The following TOLLIP variants were observed in gnomAD, a reference collection of about 807,000 sequenced individuals.
The protein encoded by TOLLIP is toll interacting protein.
In TOLLIP, 16 loss-of-function variants were observed where a neutral mutation model predicts 33.5. The ratio of observed to expected loss-of-function variants is 0.48; its 90% CI spans 0.32 to 0.72. The LOEUF (loss-of-function observed/expected upper bound fraction) is 0.72. Among genes scored for constraint, TOLLIP ranks in the 30% least tolerant of loss-of-function variants. The pLI is 0.03. For synonymous variants in TOLLIP, 176 were observed against 163.7 expected, an observed-to-expected ratio of 1.07 and a Z score of -0.57; for missense variants, 325 against 396.6, an observed-to-expected ratio of 0.82 and a Z score of 1.53.
chr11:1,292,480 G>A (rs529162735), intron 2 of TOLLIP, among the ~76,000 whole-genome samples: 53 of 152,330 alleles, frequency 3.5e-4, no homozygotes, highest in African/African-American at 1.2e-3. Flanking sequence ...CACACTCAGC[G>A]TCATCCTCTC....
At chr11:1,308,827 G>C (rs1271118587) in intron 1 of TOLLIP, among the ~76,000 whole-genome samples, 1 of 10,522 alleles carries the variant, frequency 9.5e-5, no homozygotes, top group Non-Finnish European at 3.7e-4. Context: ...ACCAACTAGA[G>C]TGCAGGCCCG....
chr11:1,288,271 G>T (rs1863812471), intron 4 of TOLLIP, among the ~76,000 whole-genome samples: 1 of 152,220 alleles, frequency 6.6e-6, no homozygotes, highest in Admixed American at 6.5e-5. Flanking sequence ...AGACCCTGGA[G>T]GGCTGCTCAG....
rs938989057 is a variant in TOLLIP at position 1,275,995 on chromosome 11, C to G, written c.*1044G>C. The G allele has an allele frequency of 4.6e-5, 7 of 152,230 alleles. No individual in the cohort carries two copies. The highest frequency in any genetic ancestry group is 1.7e-4 in the African/African-American group (7 of 41,454). The allele number at this position is 152,230 out of a possible 1,614,324, so 9.4% of individuals were successfully genotyped here. A position where few individuals can be genotyped will look rare whatever the true frequency, so the allele number is the denominator to read the frequency against. On this transcript the variant is annotated 3_prime_UTR_variant, in exon 6 of 6. Transcript: ENST00000317204. ...GTCATAACCAGGTGTCACCTAAAAT[C>G]TGTCCTGTAGGCCAAGATGCTACAC... is the stretch of plus-strand genomic sequence containing the variant.
chr11:1,290,432 A>C lies in TOLLIP; in HGVS notation c.184-23T>G, dbSNP rs1863897190. On this transcript the variant is annotated intron_variant, in intron 2 of 5. Transcript: ENST00000317204. This position sits in a 1 kb window ranked among gnomAD's most constrained non-coding sequence, Gnocchi z 4.9. ...TGCCTGGAATGAAGCCAATGTCAGG[A>C]AAAGGAGGTGCCAACCATCAGGAGA... 12 of 1,606,912 alleles carry C rather than the reference A, an allele frequency of 7.5e-6. No homozygotes were observed. Among genetic ancestry groups the C allele is most frequent in the Non-Finnish European group, 1.0e-5 (12 of 1,174,688 alleles).
At chr11:1,285,228 C>T (rs1027896905) in intron 5 of TOLLIP, among the ~76,000 whole-genome samples, 2 of 152,246 alleles carry the variant, frequency 1.3e-5, no homozygotes, top group African/African-American at 4.8e-5. Context: ...CTCTGGCCTC[C>T]ACCCTCCGTG....
intron 1 of TOLLIP, 84 bp downstream of exon 1, chr11:1,309,382 G>C (rs1864525762): frequency 2.6e-6 from 2 of 775,144 alleles, no homozygotes; most frequent in South Asian, 6.0e-5. Context: ...CCCGCCAGCC[G>C]CAGCTGAGCA....
At chr11:1,288,364 G>A (rs1863816267) in intron 4 of TOLLIP, among the ~76,000 whole-genome samples, 1 of 152,194 alleles carries the variant, frequency 6.6e-6, no homozygotes, top group Admixed American at 6.5e-5. Context: ...ACCACAAAGG[G>A]TTGGCTCATC....
chr11:1,301,588 A>G (rs1329517889), intron 1 of TOLLIP, among the ~76,000 whole-genome samples: 1 of 152,156 alleles, frequency 6.6e-6, no homozygotes, highest in African/African-American at 2.4e-5. Flanking sequence ...TTCCTCCCCC[A>G]AGAACCCCTT....
At chr11:1,295,523 A>T (rs1864085453) in intron 2 of TOLLIP, 122 bp downstream of exon 2, 1 of 1,248,534 alleles carries the variant, frequency 8.0e-7, no homozygotes, top group Non-Finnish European at 1.1e-6. Flanking sequence ...GTTTCAGGAA[A>T]AGCGGGAATC....
intron 3 of TOLLIP, 69 bp from the exon 4 acceptor site, chr11:1,288,845 A>G: frequency 6.5e-7 from 1 of 1,536,562 alleles, no homozygotes; most frequent in Non-Finnish European, 8.8e-7. Context: ...CAGCCGCACC[A>G]TCGTGGGCCC....
Position 1,276,930 on chromosome 11 carries a change from G to C in TOLLIP, c.*109C>G. On this transcript the variant is annotated 3_prime_UTR_variant, in exon 6 of 6. Coordinates refer to ENST00000317204, the MANE Select transcript of TOLLIP (RefSeq NM_019009.4). ...GGCGGCACAGAAGTCCACGGGAGGG[G>C]GCGACACGGGTGCTCTTTCACGGGA... The C allele has an allele frequency of 6.3e-7, 1 of 1,574,998 alleles. No individual in the cohort carries two copies. The highest frequency in any genetic ancestry group is 8.6e-7 in the Non-Finnish European group (1 of 1,159,608).
At chr11:1,302,449 T>C in intron 1 of TOLLIP, 1 of 456,056 alleles carries the variant, frequency 2.2e-6, no homozygotes, top group Non-Finnish European at 2.9e-6. Flanking sequence ...TGGTGGCCAC[T>C]GCCATTGCCC....
rs1285535280 is a variant in TOLLIP, at chr11:1,278,952, T to C, written c.611-1699A>G. On this transcript the variant is annotated intron_variant, in intron 5 of 5. Transcript: ENST00000317204. The surrounding 1 kb of genome is among the most constrained non-coding windows in gnomAD (Gnocchi z 4.7). ...CCTGCCCATACAGCTCCCCACAGCA[T>C]GGCAACAAGAGGAATGGGGCTCGGC... Among the ~76,000 whole-genome samples the C allele has an allele frequency of 6.6e-6, 1 of 152,096 alleles. No homozygotes were observed. Among genetic ancestry groups the C allele is most frequent in the African/African-American group, 2.4e-5 (1 of 41,428 alleles).
chr11:1,282,693 A>G (rs1283858865), intron 5 of TOLLIP, among the ~76,000 whole-genome samples: 2 of 151,824 alleles, frequency 1.3e-5, no homozygotes, highest in Admixed American at 1.3e-4. Flanking sequence ...TGACGAGTCA[A>G]TGGGTGCAGC....
At chr11:1,304,633 C>T (rs1564981232) in intron 1 of TOLLIP, among the ~76,000 whole-genome samples, 2 of 152,194 alleles carry the variant, frequency 1.3e-5, no homozygotes, top group African/African-American at 2.4e-5. Flanking sequence ...GGGCAGCCTC[C>T]GGAGCCAGAG....
chr11:1,305,929 C>T (rs2133935010), intron 1 of TOLLIP: 1 of 152,230 alleles, frequency 6.6e-6, no homozygotes, highest in Admixed American at 6.5e-5. Context: ...CGGTACTCCT[C>T]GATACTCCTC....
intron 4 of TOLLIP, 29 bp downstream of exon 4, chr11:1,288,595 G>T (rs111831428): frequency 2.0e-5 from 32 of 1,588,454 alleles, no homozygotes; most frequent in Non-Finnish European, 2.2e-5. Flanking sequence ...ACCCCAATGC[G>T]CCCCACCCCG....
rs192952885 is a variant in TOLLIP at position 1,290,899 on chromosome 11, C to T, written c.184-490G>A. ...ACATAATTCAGACGCCACGTGGCTG[C>T]TTTCCTCCCTCGTGAAGGCAGCAGC... is the stretch of plus-strand genomic sequence containing the variant. On this transcript the variant is annotated intron_variant, in intron 2 of 5. Transcript: ENST00000317204. This position sits in a 1 kb window ranked among gnomAD's most constrained non-coding sequence, Gnocchi z 4.9. The T allele has an allele frequency of 1.1e-3, 164 of 155,664 alleles. No homozygotes were observed. The highest frequency in any genetic ancestry group is 1.8e-3 in the Non-Finnish European group (123 of 70,084). The allele number at this position is 155,664 out of a possible 1,614,324, so 9.6% of individuals were successfully genotyped here. A position where few individuals can be genotyped will look rare whatever the true frequency, so the allele number is the denominator to read the frequency against.
At chr11:1,300,950 G>C (rs948269511) in intron 1 of TOLLIP, among the ~76,000 whole-genome samples, 10 of 152,256 alleles carry the variant, frequency 6.6e-5, no homozygotes, top group African/African-American at 2.2e-4. Context: ...GTTTGTGTCT[G>C]TGTGCCACGC....
Sources: allele counts gnomAD v4.1 joint callset (sites outside exome capture counted in the v4.1 genomes callset), GRCh38; gene constraint gnomAD v4.1.1; non-coding constraint Gnocchi (gnomAD v3.1); transcripts MANE v1.5; gene names NCBI Gene and HGNC (gene_info 2026-07-23, HGNC 2026-07-21).